Variants in KIF16B observed in about 807,000 individuals in gnomAD.
KIF16B encodes the protein kinesin-like protein KIF16B.
A neutral mutation model predicts 156.3 loss-of-function variants in KIF16B; 98 were observed. The observed-to-expected ratio is 0.63, with a 90% CI of 0.53 to 0.74. The LOEUF is 0.74. Among genes scored for constraint, KIF16B ranks in the 30% least tolerant of loss-of-function variants. The probability of loss-of-function intolerance (pLI) is 0.00; values close to 1 mark genes in which losing one functional copy is unlikely to be tolerated. For synonymous variants in KIF16B, 564 were observed against 583.7 expected (o/e 0.97, Z 0.49); for missense variants, 1,421 against 1,606.5 (o/e 0.88, Z 1.97).
intron 12 of KIF16B, among the ~76,000 whole-genome samples, chr20:16,481,972 T>TA (rs2067994181): frequency 6.6e-6 from 1 of 152,156 alleles, no homozygotes; most frequent in South Asian, 2.1e-4. Context: ...GTCTGCATCT[T>TA]ACAGTGAGGT....
chr20:16,405,749 T>C (rs2065766911), intron 16 of KIF16B, among the ~76,000 whole-genome samples: 1 of 152,140 alleles, frequency 6.6e-6, no homozygotes, highest in Non-Finnish European at 1.5e-5. Context: ...ATAGAATATA[T>C]GTACAAGTTT....
intron 24 of KIF16B, among the ~76,000 whole-genome samples, chr20:16,332,434 G>A (rs1432847382): frequency 2.6e-5 from 4 of 152,196 alleles, no homozygotes; most frequent in Admixed American, 2.6e-4. Context: ...AACATGTGGT[G>A]TTTGTTTTAG....
chr20:16,562,522 C>G (rs539529527), intron 1 of KIF16B, among the ~76,000 whole-genome samples: 1 of 152,258 alleles, frequency 6.6e-6, no homozygotes. Context: ...GACTACGGAT[C>G]CCAATCCCTC....
At chr20:16,297,982 A>T (rs6111030) in intron 25 of KIF16B, among the ~76,000 whole-genome samples, 36,704 of 151,888 alleles carry the variant, frequency 0.24, 4,987 homozygotes, top group East Asian at 0.59. Flanking sequence ...TCATTCCTCC[A>T]CTTCACTGCT....
At chr20:16,367,445 G>A in intron 22 of KIF16B, 3 of 1,612,854 alleles carry the variant, frequency 1.9e-6, no homozygotes, top group Non-Finnish European at 1.7e-6. Flanking sequence ...GCACCCGGAG[G>A]AGGTATGTTT....
At chr20:16,407,463 T>C (rs898048936) in intron 15 of KIF16B, among the ~76,000 whole-genome samples, 1 of 151,878 alleles carries the variant, frequency 6.6e-6, no homozygotes, top group African/African-American at 2.4e-5. Flanking sequence ...CTTAGCTGAG[T>C]GTGTGATTAA....
rs2065896914 is a variant in KIF16B, at chr20:16,410,049, T to TGGTACATATATATGTA, written c.1613-3594_1613-3593insTACATATATATGTACC. ...TATATGTAGGTACATATATATATGT[T>TGGTACATATATATGTA]GGTACATATATATATATGTAGGTAC... On this transcript the variant is annotated intron_variant, in intron 15 of 25. Transcript: ENST00000354981. Among the ~76,000 whole-genome samples the TGGTACATATATATGTA allele has an allele frequency of 1.9e-4, 6 of 31,014 alleles. 2 individuals carry two copies. Among genetic ancestry groups the TGGTACATATATATGTA allele is most frequent in the Admixed American group, 1.1e-3 (3 of 2,612 alleles). 20.3% of individuals were successfully genotyped at this position (31,014 alleles called of 152,430 possible).
In KIF16B at chr20:16,273,661, C is replaced by CTCAATCAA. The variant is rs35085462; in HGVS notation, c.3796-258_3796-251dup. The stretch of plus-strand genomic sequence containing the variant: ...CCTGGGTGATAAAGCAAGACCCTGT[C>CTCAATCAA]TCAATCAATCAATCAATCAATCAAT... On this transcript the variant is annotated intron_variant, in intron 25 of 25. Transcript: ENST00000354981. Among the ~76,000 whole-genome samples the CTCAATCAA allele has an allele frequency of 7.5e-3, 1,123 of 149,390 alleles. 6 individuals carry two copies. Among genetic ancestry groups the CTCAATCAA allele is most frequent in the Middle Eastern group, 0.014 (4 of 292 alleles).
At chr20:16,395,179 A>AAGGGGAGAGG (rs140167484) in intron 17 of KIF16B, among the ~76,000 whole-genome samples, 3 of 80,706 alleles carry the variant, frequency 3.7e-5, no homozygotes, top group African/African-American at 6.9e-5. Flanking sequence ...GGAGATGAGG[A>AAGGGGAGAGG]AGGGGAGAGG....
intron 24 of KIF16B, among the ~76,000 whole-genome samples, chr20:16,316,585 G>A (rs187179528): frequency 1.1e-3 from 172 of 152,214 alleles, no homozygotes; most frequent in Admixed American, 2.6e-3. Context: ...CTGACCTGCT[G>A]AATGACTGGA....
At chr20:16,299,063 G>A (rs2063433616) in intron 25 of KIF16B, among the ~76,000 whole-genome samples, 1 of 152,184 alleles carries the variant, frequency 6.6e-6, no homozygotes, top group Non-Finnish European at 1.5e-5. Context: ...ATTTGTTTAT[G>A]TTGAGAGATG....
intron 1 of KIF16B, among the ~76,000 whole-genome samples, chr20:16,565,961 T>C (rs190642334): frequency 1.2e-3 from 187 of 152,330 alleles, no homozygotes; most frequent in Non-Finnish European, 2.3e-3. Context: ...AGTGTGTACA[T>C]GACGACGTTC....
chr20:16,311,054 G>T (rs2063612750), intron 25 of KIF16B, among the ~76,000 whole-genome samples: 1 of 152,178 alleles, frequency 6.6e-6, no homozygotes, highest in South Asian at 2.1e-4. Context: ...GCATGCCATG[G>T]GCAGCCAATT....
At chr20:16,382,719 C>T (rs940301031) in intron 17 of KIF16B, among the ~76,000 whole-genome samples, 18 of 152,108 alleles carry the variant, frequency 1.2e-4, no homozygotes, top group African/African-American at 3.9e-4. Context: ...GGGTTGGGAT[C>T]GGAGTTGGGT....
At chr20:16,540,033 C>T (rs1403407637) in intron 1 of KIF16B, among the ~76,000 whole-genome samples, 1 of 152,128 alleles carries the variant, frequency 6.6e-6, no homozygotes, top group Non-Finnish European at 1.5e-5. Flanking sequence ...AGTGGCAAGA[C>T]ACTTGATAGC....
At chr20:16,565,993 T>G (rs987002259) in intron 1 of KIF16B, among the ~76,000 whole-genome samples, 2 of 152,260 alleles carry the variant, frequency 1.3e-5, no homozygotes, top group Non-Finnish European at 2.9e-5. Flanking sequence ...GGAAAAAGAC[T>G]AGGTGCAAAC....
At chr20:16,558,139 G>C (rs957298382) in intron 1 of KIF16B, among the ~76,000 whole-genome samples, 4 of 152,220 alleles carry the variant, frequency 2.6e-5, no homozygotes, top group Admixed American at 6.5e-5. Context: ...TGGGAGATGC[G>C]GACATCTGGA....
chr20:16,561,968 A>G lies in KIF16B; in HGVS notation c.47+11261T>C, dbSNP rs913848244. Among the ~76,000 whole-genome samples the G allele has an allele frequency of 3.3e-5, 5 of 152,322 alleles. No individual in the cohort carries two copies. In the East Asian group the frequency reaches 7.7e-4, roughly 23 times the overall value. ...TGTGGGATCCCGGATTGGATGCTGAACCAGAAGGAAGACATTAGTGGGAAA... is the reference window on the plus strand; with the variant it reads ...TGTGGGATCCCGGATTGGATGCTGAGCCAGAAGGAAGACATTAGTGGGAAA... On this transcript the variant is annotated intron_variant, in intron 1 of 25. Transcript: ENST00000354981.
At chr20:16,425,965 T>C (rs1408099290) in intron 15 of KIF16B, among the ~76,000 whole-genome samples, 1 of 152,122 alleles carries the variant, frequency 6.6e-6, no homozygotes, top group Non-Finnish European at 1.5e-5. Context: ...AGGCATGTCT[T>C]CTCATGGAGA....
Sources: allele counts gnomAD v4.1 joint callset (sites outside exome capture counted in the v4.1 genomes callset), GRCh38; gene constraint gnomAD v4.1.1; transcripts MANE v1.5; gene names NCBI Gene and HGNC (gene_info 2026-07-23, HGNC 2026-07-21).